Variants in GLI2 observed in about 807,000 individuals in gnomAD.
GLI2 encodes GLI family zinc finger 2, also known as transcription activator GLI2.
Under a neutral mutation model 78.9 loss-of-function variants are expected in GLI2, and 22 were observed. The observed-to-expected ratio is 0.28, with a 90% CI of 0.20 to 0.40. The LOEUF is 0.40. GLI2 is among the 10% of genes least tolerant of loss of function. GLI2 has a pLI of 1.00. For synonymous variants in GLI2, 974 were observed against 963.7 expected (o/e 1.01, Z -0.20); for missense variants, 2,097 against 2,213.2 (o/e 0.95, Z 1.05).
intron 2 of GLI2, among the ~76,000 whole-genome samples, chr2:120,843,431 C>G (rs1321699816): frequency 6.6e-6 from 1 of 152,240 alleles, no homozygotes; most frequent in Non-Finnish European, 1.5e-5. Context: ...ATACTTACAG[C>G]TGTACCCAGT....
Position 120,813,444 on chromosome 2 carries a change from G to GAAC in GLI2, c.148+15978_148+15980dup, listed in dbSNP as rs1188743276. On this transcript the variant is annotated intron_variant, in intron 2 of 13. Coordinates refer to ENST00000361492, the MANE Select transcript of GLI2 (RefSeq NM_001374353.1). Reference sequence around the variant, plus strand: ...CAGAATGGCCCAGCTGCGCACAGAGGAACAGCCTGATCCCCTCAGCTGCGT... The same window carrying GAAC: ...CAGAATGGCCCAGCTGCGCACAGAGGAACAACAGCCTGATCCCCTCAGCTGCGT... 1.3e-4 allele frequency among the ~76,000 whole-genome samples: 20 copies of GAAC among 152,192 alleles called. 1 individual carries two copies. The highest frequency in any genetic ancestry group is 2.8e-4 in the Non-Finnish European group (19 of 68,030).
intron 2 of GLI2, among the ~76,000 whole-genome samples, chr2:120,797,950 A>T (rs1309515391): frequency 6.6e-6 from 1 of 152,096 alleles, no homozygotes; most frequent in East Asian, 1.9e-4. Context: ...CTTAATTATA[A>T]CAAAAGAGAC....
rs1258846094 is a variant in GLI2, at chr2:120,988,775, C to T, written c.2810C>T (p.Ala937Val). ...PTYGHGHAGAAPAFPHEAPGG... is the reference protein window; with the variant it reads ...PTYGHGHAGAVPAFPHEAPGG... Reference sequence around the variant, plus strand: ...TATGGCCACGGCCACGCGGGGGCTGCGCCCGCCTTCCCCCACGAGGCTCCA... The same window carrying T: ...TATGGCCACGGCCACGCGGGGGCTGTGCCCGCCTTCCCCCACGAGGCTCCA... Residue 937 changes from alanine (A) to valine (V), a missense_variant, in exon 14 of 14, where the codon GCG becomes GTG. This residue lies in a region of GLI2 where 1,290 missense variants were observed against 1,261.7 expected (regional missense o/e 1.02). Coordinates refer to ENST00000361492, the MANE Select transcript of GLI2 (RefSeq NM_001374353.1). The T allele has an allele frequency of 3.0e-6, 4 of 1,318,588 alleles. No individual in the cohort carries two copies. Among genetic ancestry groups the T allele is most frequent in the East Asian group, 3.8e-5 (1 of 26,478 alleles). The allele number at this position is 1,318,588 out of a possible 1,614,324, so 81.7% of individuals were successfully genotyped here.
At chr2:120,768,025 G>A (rs1204584711) in intron 1 of GLI2, among the ~76,000 whole-genome samples, 3 of 152,130 alleles carry the variant, frequency 2.0e-5, no homozygotes, top group East Asian at 1.9e-4. Flanking sequence ...CTGTCCCGAC[G>A]CTCCTGGAAC....
intron 5 of GLI2, among the ~76,000 whole-genome samples, chr2:120,967,764 A>G (rs1441310628): frequency 1.3e-5 from 2 of 152,240 alleles, no homozygotes; most frequent in East Asian, 3.8e-4. Flanking sequence ...GTGCACATTC[A>G]AAGCAACAGC....
intron 5 of GLI2, among the ~76,000 whole-genome samples, chr2:120,961,015 C>T (rs979865824): frequency 1.3e-5 from 2 of 152,204 alleles, no homozygotes; most frequent in Admixed American, 6.5e-5. Flanking sequence ...GGAGAATTCA[C>T]TGGTTGTCAC....
At chr2:120,768,799 CTGTGTGTG>C (rs5833852) in intron 1 of GLI2, among the ~76,000 whole-genome samples, 5 of 147,628 alleles carry the variant, frequency 3.4e-5, no homozygotes, top group African/African-American at 7.5e-5. Context: ...GGCCCCGCCC[CTGTGTGTG>C]TGTGTGTGTG....
intron 2 of GLI2, among the ~76,000 whole-genome samples, chr2:120,846,468 G>C (rs889044237): frequency 6.6e-6 from 1 of 152,262 alleles, no homozygotes; most frequent in African/African-American, 2.4e-5. Context: ...TCTCCGGGCA[G>C]TTGGTAATTT....
rs1015842362 is a variant in GLI2, at chr2:120,810,729, G to T, written c.148+13261G>T. On this transcript the variant is annotated intron_variant, in intron 2 of 13. Coordinates refer to ENST00000361492, the MANE Select transcript of GLI2 (RefSeq NM_001374353.1). ...CTGCAAGCAACAGAAGCCCGCTCTGGCTCTCTGAAGCTACGTGGCGTTCTG... is the reference window on the plus strand; with the variant it reads ...CTGCAAGCAACAGAAGCCCGCTCTGTCTCTCTGAAGCTACGTGGCGTTCTG... 2.6e-5 allele frequency among the ~76,000 whole-genome samples: 4 copies of T among 152,232 alleles called. No homozygotes were observed. The East Asian group carries it at 7.7e-4, about 29-fold the overall frequency.
intron 1 of GLI2, among the ~76,000 whole-genome samples, chr2:120,783,490 AG>A (rs1461838900): frequency 6.6e-6 from 1 of 152,072 alleles, no homozygotes; most frequent in Non-Finnish European, 1.5e-5. Flanking sequence ...AGCCTTCAAA[AG>A]GCCACGGGAA....
chr2:120,978,653 G>A (rs1156827740), intron 10 of GLI2, 70 bp downstream of exon 10: 8 of 1,546,004 alleles, frequency 5.2e-6, no homozygotes, highest in Non-Finnish European at 7.1e-6. Flanking sequence ...GGGGGATCAT[G>A]TTTGGAGGTG....
intron 3 of GLI2, among the ~76,000 whole-genome samples, chr2:120,930,330 G>A (rs565733252): frequency 3.9e-5 from 6 of 152,338 alleles, no homozygotes; most frequent in Non-Finnish European, 7.3e-5. Context: ...ACCCAAAAAA[G>A]AGTCATTTTG....
intron 2 of GLI2, among the ~76,000 whole-genome samples, chr2:120,886,875 G>C (rs966962689): frequency 6.6e-6 from 1 of 152,230 alleles, no homozygotes; most frequent in African/African-American, 2.4e-5. Flanking sequence ...AAGGTGCTGG[G>C]AGAAGATGCC....
intron 1 of GLI2, among the ~76,000 whole-genome samples, chr2:120,781,917 A>G (rs1255035968): frequency 1.3e-5 from 2 of 152,018 alleles, no homozygotes; most frequent in Non-Finnish European, 2.9e-5. Flanking sequence ...AAATCCCAGC[A>G]TAACTCAAAA....
At chr2:120,768,239 C>T (rs914640739) in intron 1 of GLI2, among the ~76,000 whole-genome samples, 5 of 152,252 alleles carry the variant, frequency 3.3e-5, no homozygotes, top group Admixed American at 6.5e-5. Context: ...CTTTCCCATT[C>T]GATCTTCACA....
intron 1 of GLI2, among the ~76,000 whole-genome samples, chr2:120,753,865 G>A (rs565268539): frequency 1.3e-5 from 2 of 148,596 alleles, no homozygotes; most frequent in African/African-American, 5.0e-5. Flanking sequence ...GCGGTGAGCC[G>A]AGATCGCGCC....
intron 1 of GLI2, among the ~76,000 whole-genome samples, chr2:120,779,776 G>A (rs932307646): frequency 1.6e-4 from 24 of 152,226 alleles, no homozygotes; most frequent in Admixed American, 6.5e-4. Context: ...AGGGCGGCCT[G>A]ACCCCCTCAG....
chr2:120,772,872 G>T (rs902406590), intron 1 of GLI2, among the ~76,000 whole-genome samples: 4 of 151,978 alleles, frequency 2.6e-5, no homozygotes, highest in African/African-American at 9.7e-5. Context: ...TCCTGCATTT[G>T]CAACTTTGCA....
intron 2 of GLI2, among the ~76,000 whole-genome samples, chr2:120,807,139 C>T (rs1052190816): frequency 1.3e-5 from 2 of 152,160 alleles, no homozygotes; most frequent in Non-Finnish European, 2.9e-5. Flanking sequence ...CAAAGTGTGG[C>T]AGGGCTTGGG....
Sources: allele counts gnomAD v4.1 joint callset (sites outside exome capture counted in the v4.1 genomes callset), GRCh38; gene constraint gnomAD v4.1.1; regional missense constraint gnomAD v4.1.1; transcripts MANE v1.5; gene names NCBI Gene and HGNC (gene_info 2026-07-23, HGNC 2026-07-21).